The following FOXK1 variants were observed in gnomAD, a reference collection of about 807,000 sequenced individuals.
The protein encoded by FOXK1 is forkhead box K1.
In FOXK1, 19 loss-of-function variants were observed where a neutral mutation model predicts 51.9. The ratio of observed to expected loss-of-function variants is 0.37; its 90% confidence interval spans 0.26 to 0.54. FOXK1 has a LOEUF of 0.54. Ranked by LOEUF, FOXK1 falls within the 20% of genes least tolerant of loss-of-function variation. The pLI is 0.87. For missense variants in FOXK1, 870 were observed against 1,032.7 expected, an observed-to-expected ratio of 0.84 and a Z score of 2.16; for synonymous variants, 537 against 482.6, an observed-to-expected ratio of 1.11 and a Z score of -1.48.
chr7:4,701,033 C>T (rs1484141703), intron 1 of FOXK1, among the ~76,000 whole-genome samples: 4 of 152,222 alleles, frequency 2.6e-5, no homozygotes, highest in African/African-American at 7.2e-5. Context: ...GACTGGCCCT[C>T]AGGTCTGCTG....
chr7:4,720,549 C>T lies in FOXK1; in HGVS notation c.561-20289C>T, dbSNP rs1186805431. Among the ~76,000 whole-genome samples the T allele has an allele frequency of 5.3e-5, 8 of 152,262 alleles. 1 individual carries two copies. In the South Asian group the frequency reaches 6.2e-4, roughly 12 times the overall value. Reference sequence around the variant, plus strand: ...TAGATGTAAAATTTCCCCTGTGCCTCAGTGGGGATGGGCAGCCTGTGGCCA... The same window carrying T: ...TAGATGTAAAATTTCCCCTGTGCCTTAGTGGGGATGGGCAGCCTGTGGCCA... On this transcript the variant is annotated intron_variant, in intron 1 of 8. Transcript: ENST00000328914.
chr7:4,706,045 T>TATATATAC lies in FOXK1; in HGVS notation c.560+23177_560+23178insATATATAC, dbSNP rs1562373246. 2.5e-3 allele frequency among the ~76,000 whole-genome samples: 296 copies of TATATATAC among 118,246 alleles called. 24 individuals carry two copies. The highest frequency in any genetic ancestry group is 0.015 in the African/African-American group (275 of 17,944). The allele number at this position is 118,246 out of a possible 152,430, so 77.6% of individuals were successfully genotyped here. A position where few individuals can be genotyped will look rare whatever the true frequency, so the allele number is the denominator to read the frequency against. The stretch of plus-strand genomic sequence containing the variant: ...ATACGTGTATATACGTGTATATACG[T>TATATATAC]GTATATATGTATATATATGTGTATA... On this transcript the variant is annotated intron_variant, in intron 1 of 8. Transcript: ENST00000328914.
At chr7:4,696,941 T>A (rs1339891652) in intron 1 of FOXK1, among the ~76,000 whole-genome samples, 1 of 152,030 alleles carries the variant, frequency 6.6e-6, no homozygotes, top group Non-Finnish European at 1.5e-5. Context: ...GGTGGTGTGC[T>A]CCTGTAGTCC....
At chr7:4,708,343 C>T (rs2115039611) in intron 1 of FOXK1, among the ~76,000 whole-genome samples, 1 of 152,196 alleles carries the variant, frequency 6.6e-6, no homozygotes, top group Admixed American at 6.5e-5. Flanking sequence ...ACTGGAAGCC[C>T]CCGTGGATCG....
intron 1 of FOXK1, among the ~76,000 whole-genome samples, chr7:4,737,996 C>G (rs191978844): frequency 6.6e-6 from 1 of 152,148 alleles, no homozygotes; most frequent in African/African-American, 2.4e-5. Flanking sequence ...GTGGCGCATG[C>G]CTGTAGTCCC....
In FOXK1 at chr7:4,768,536, T is replaced by G. The variant is rs1781050725; in HGVS notation, c.*6072T>G. 2.0e-5 allele frequency: 3 copies of G among 152,512 alleles called. No homozygotes were observed. Among genetic ancestry groups the G allele is most frequent in the Non-Finnish European group, 4.4e-5 (3 of 68,288 alleles). The allele number at this position is 152,512 out of a possible 1,614,324, so 9.4% of individuals were successfully genotyped here. A position where few individuals can be genotyped will look rare whatever the true frequency, so the allele number is the denominator to read the frequency against. On this transcript the variant is annotated 3_prime_UTR_variant, in exon 9 of 9. Coordinates refer to ENST00000328914, the MANE Select transcript of FOXK1 (RefSeq NM_001037165.2). ...GCTTTTCCGGCCCCGTCCCAGCTCC[T>G]CCTCAGGCAGAGGCTGCAGCCCTCA...
chr7:4,682,881 G>T lies in FOXK1; in HGVS notation c.560+13G>T, dbSNP rs1348477197. On this transcript the variant is annotated intron_variant, in intron 1 of 8. Coordinates refer to ENST00000328914, the MANE Select transcript of FOXK1 (RefSeq NM_001037165.2). The surrounding 1 kb of genome is among the most constrained non-coding windows in gnomAD (Gnocchi z 7.6). ...AGCTGCCCAAGCAGTGAGTGGCCCC[G>T]CGACCCCCGCCGCCCGCACCCGGGG... 1.4e-6 allele frequency: 2 copies of T among 1,452,120 alleles called. No individual in the cohort carries two copies. Among genetic ancestry groups the T allele is most frequent in the Non-Finnish European group, 1.8e-6 (2 of 1,100,686 alleles). 90.0% of individuals were successfully genotyped at this position (1,452,120 alleles called of 1,614,324 possible). A position where few individuals can be genotyped will look rare whatever the true frequency, so the allele number is the denominator to read the frequency against.
In FOXK1 at chr7:4,682,386, C is replaced by CGCCGCA. The variant is rs893132537; in HGVS notation, c.84_89dup (p.Ala32_Ala33dup). ...CGGCGCCCTGCAGCCCAGTGCTGTG[C>CGCCGCA]GCCGCAGCCGCCGCCGCCGCCTTCC... On this transcript the variant is annotated inframe_insertion, in exon 1 of 9. Coordinates refer to ENST00000328914, the MANE Select transcript of FOXK1 (RefSeq NM_001037165.2). This position sits in a 1 kb window ranked among gnomAD's most constrained non-coding sequence, Gnocchi z 7.6. 1 of 981,612 alleles carries CGCCGCA rather than the reference C, an allele frequency of 1.0e-6. No homozygotes were observed. The highest frequency in any genetic ancestry group is 1.2e-6 in the Non-Finnish European group (1 of 829,030). 60.8% of individuals were successfully genotyped at this position (981,612 alleles called of 1,614,324 possible).
Position 4,740,258 on chromosome 7 carries a change from G to A in FOXK1, c.561-580G>A, listed in dbSNP as rs552985905. ...ATCCTGGCTAACACAGTGAAACCCC[G>A]TCTCTACTAAAAATATAAAAAATTA... On this transcript the variant is annotated intron_variant, in intron 1 of 8. Transcript: ENST00000328914. Among the ~76,000 whole-genome samples, 6 of 152,120 alleles carry A rather than the reference G, an allele frequency of 3.9e-5. No homozygotes were observed. In the South Asian group the frequency reaches 6.2e-4, roughly 16 times the overall value.
chr7:4,716,240 AAAAAG>A (rs1430546031), intron 1 of FOXK1, among the ~76,000 whole-genome samples: 245 of 151,974 alleles, frequency 1.6e-3, no homozygotes, highest in Non-Finnish European at 2.3e-3. Flanking sequence ...CAAAAAAAAA[AAAAAG>A]AAAGAAAGAA....
chr7:4,688,191 T>C (rs1235372050), intron 1 of FOXK1, among the ~76,000 whole-genome samples: 4 of 150,836 alleles, frequency 2.7e-5, no homozygotes, highest in Non-Finnish European at 4.4e-5. Flanking sequence ...CCCAGTTCTT[T>C]AGAAGCAAAT....
At chr7:4,721,063 C>T (rs533226313) in intron 1 of FOXK1, among the ~76,000 whole-genome samples, 1 of 152,264 alleles carries the variant, frequency 6.6e-6, no homozygotes, top group South Asian at 2.1e-4. Context: ...GTTTTCTCTG[C>T]ACGGGCCCTC....
chr7:4,686,606 A>T (rs569133606), intron 1 of FOXK1, among the ~76,000 whole-genome samples: 43 of 152,198 alleles, frequency 2.8e-4, no homozygotes, highest in African/African-American at 9.1e-4. Context: ...TCTCCGTGAT[A>T]GCGTTTCTTC....
At position 4,753,821 on chromosome 7, in the gene FOXK1, C is replaced by T. The variant is rs375815331; in HGVS notation, c.747-638C>T. 2.7e-3 allele frequency among the ~76,000 whole-genome samples: 418 copies of T among 152,206 alleles called. 2 individuals are homozygous for T. Among genetic ancestry groups the T allele is most frequent in the African/African-American group, 9.7e-3 (404 of 41,534 alleles). On this transcript the variant is annotated intron_variant, in intron 2 of 8. Coordinates refer to ENST00000328914, the MANE Select transcript of FOXK1 (RefSeq NM_001037165.2). This position sits in a 1 kb window ranked among gnomAD's most constrained non-coding sequence, Gnocchi z 4.9. The stretch of plus-strand genomic sequence containing the variant: ...GAGCCTCACCTGCAGCCGGGGGTGT[C>T]GGTCACTCCCAGCCATCTGTGGTTG...
chr7:4,754,866 C>T, intron 3 of FOXK1: 1 of 596,630 alleles, frequency 1.7e-6, no homozygotes, highest in Non-Finnish European at 2.9e-6. Context: ...CGCCACGCTC[C>T]TTGTTCATCT....
chr7:4,695,537 G>C (rs1055269279), intron 1 of FOXK1, among the ~76,000 whole-genome samples: 1 of 152,218 alleles, frequency 6.6e-6, no homozygotes, highest in African/African-American at 2.4e-5. Flanking sequence ...GGGCGCGGTG[G>C]CTCATGCCTG....
rs1377882728 is a variant in FOXK1, at chr7:4,683,872, T to C, written c.560+1004T>C. Among the ~76,000 whole-genome samples, 1 of 152,182 alleles carries C rather than the reference T, an allele frequency of 6.6e-6. No homozygotes were observed. The highest frequency in any genetic ancestry group is 1.9e-4 in the East Asian group (1 of 5,178). On this transcript the variant is annotated intron_variant, in intron 1 of 8. Coordinates refer to ENST00000328914, the MANE Select transcript of FOXK1 (RefSeq NM_001037165.2). The surrounding 1 kb of genome is among the most constrained non-coding windows in gnomAD (Gnocchi z 4.5). The stretch of plus-strand genomic sequence containing the variant: ...GGGCTGTGCTGAAGGAGCAGAGGCC[T>C]GGCGGGGAGGGGCGAGGACAGGAAG...
At position 4,682,458 on chromosome 7, in the gene FOXK1, C is replaced by G; in HGVS notation, c.150C>G (p.Pro50=). ...PPAPAQPQPP[P]GPPPPPPPPL... ...CCCCCGCGCAGCCCCAGCCTCCGCCCGGGCCGCCGCCGCCGCCGCCACCGC... is the reference window on the plus strand; with the variant it reads ...CCCCCGCGCAGCCCCAGCCTCCGCCGGGGCCGCCGCCGCCGCCGCCACCGC... Residue 50 remains proline, a synonymous_variant, in exon 1 of 9, where the codon CCC becomes CCG. Transcript: ENST00000328914. This position sits in a 1 kb window ranked among gnomAD's most constrained non-coding sequence, Gnocchi z 7.6. 1.1e-5 allele frequency: 11 copies of G among 983,098 alleles called. No individual in the cohort carries two copies. Among genetic ancestry groups the G allele is most frequent in the Non-Finnish European group, 1.3e-5 (11 of 830,314 alleles). The allele number at this position is 983,098 out of a possible 1,614,324, so 60.9% of individuals were successfully genotyped here. A position where few individuals can be genotyped will look rare whatever the true frequency, so the allele number is the denominator to read the frequency against.
chr7:4,753,710 G>T lies in FOXK1; in HGVS notation c.747-749G>T, dbSNP rs1013436609. Among the ~76,000 whole-genome samples the T allele has an allele frequency of 2.0e-4, 31 of 152,308 alleles. 1 individual carries two copies. Among genetic ancestry groups the T allele is most frequent in the African/African-American group, 7.2e-4 (30 of 41,566 alleles). The stretch of plus-strand genomic sequence containing the variant: ...CGCCGTGGTTTGCTGACGGAAGCCT[G>T]CCTTAGTGAGTTAGGGAAGCAGGCC... On this transcript the variant is annotated intron_variant, in intron 2 of 8. Transcript: ENST00000328914. The surrounding 1 kb of genome is among the most constrained non-coding windows in gnomAD (Gnocchi z 4.9).
Sources: allele counts gnomAD v4.1 joint callset (sites outside exome capture counted in the v4.1 genomes callset), GRCh38; gene constraint gnomAD v4.1.1; non-coding constraint Gnocchi (gnomAD v3.1); transcripts MANE v1.5; gene names NCBI Gene and HGNC (gene_info 2026-07-23, HGNC 2026-07-21).